Variants in RPS6KC1 observed in about 807,000 individuals in gnomAD.
RPS6KC1 encodes the protein ribosomal protein S6 kinase C1.
RPS6KC1 carries 54 observed loss-of-function variants against 103.8 expected under a neutral mutation model. The observed-to-expected ratio is 0.52, with a 90% CI of 0.42 to 0.65. The LOEUF is 0.65. Ranked by LOEUF, RPS6KC1 falls within the 30% of genes least tolerant of loss-of-function variation. RPS6KC1 has a pLI of 0.00. For synonymous variants in RPS6KC1, 439 were observed against 438.7 expected (o/e 1.00, Z -0.01); for missense variants, 1,151 against 1,253.8 (o/e 0.92, Z 1.24).
chr1:213,767,672 CAAAT>C, the RPS6KC1 span, among the ~76,000 whole-genome samples: 1 of 152,126 alleles, frequency 6.6e-6, no homozygotes, highest in African/African-American at 2.4e-5. Context: ...CATATAATAA[CAAAT>C]AAACAAAGTA....
the RPS6KC1 span, among the ~76,000 whole-genome samples, chr1:213,538,471 G>C: frequency 2.5e-4 from 38 of 152,138 alleles, no homozygotes; most frequent in Middle Eastern, 3.2e-3. Context: ...TGTGGCTGTG[G>C]GTGGTGTGTG....
the RPS6KC1 span, among the ~76,000 whole-genome samples, chr1:213,628,586 C>A: frequency 6.6e-6 from 1 of 152,032 alleles, no homozygotes; most frequent in Non-Finnish European, 1.5e-5. Context: ...ATTAACTTGT[C>A]ATTTAACATT....
chr1:213,602,551 A>T, the RPS6KC1 span, among the ~76,000 whole-genome samples: 2 of 152,040 alleles, frequency 1.3e-5, no homozygotes, highest in East Asian at 3.9e-4. Context: ...CTAACATAAA[A>T]ATCTCTAAAT....
the RPS6KC1 span, among the ~76,000 whole-genome samples, chr1:213,319,665 A>T: frequency 6.6e-6 from 1 of 152,112 alleles, no homozygotes; most frequent in Non-Finnish European, 1.5e-5. Flanking sequence ...ACTGAATTTA[A>T]CTCTTTCCAT....
chr1:213,422,794 G>A, the RPS6KC1 span, among the ~76,000 whole-genome samples: 1 of 152,206 alleles, frequency 6.6e-6, no homozygotes, highest in East Asian at 1.9e-4. Context: ...TGTTTGTATT[G>A]ACACCATATT....
chr1:213,167,489 C>CACACA (rs141541042), intron 6 of RPS6KC1, among the ~76,000 whole-genome samples: 5 of 126,178 alleles, frequency 4.0e-5, no homozygotes, highest in Admixed American at 3.8e-4. Flanking sequence ...CACACACACA[C>CACACA]AACAGCTGTT....
chr1:213,792,517 G>T, the RPS6KC1 span, among the ~76,000 whole-genome samples: 1 of 152,038 alleles, frequency 6.6e-6, no homozygotes, highest in Non-Finnish European at 1.5e-5. Flanking sequence ...TGAGACATTT[G>T]TTTAAACCCA....
At chr1:213,392,924 G>A in the RPS6KC1 span, among the ~76,000 whole-genome samples, 5 of 152,226 alleles carry the variant, frequency 3.3e-5, no homozygotes, top group Non-Finnish European at 5.9e-5. Flanking sequence ...GGGCTAGCTG[G>A]CTCTTTCTTT....
At position 213,241,172 on chromosome 1, in the gene RPS6KC1, A is replaced by G. The variant is rs1243188420; in HGVS notation, c.1696A>G (p.Arg566Gly). The G allele has an allele frequency of 6.2e-7, 1 of 1,613,928 alleles. No individual in the cohort carries two copies. Among genetic ancestry groups the G allele is most frequent in the South Asian group, 1.1e-5 (1 of 91,064 alleles). The change falls in exon 11 of 15, where the codon AGA becomes GGA. Residue 566 changes from arginine (R) to glycine (G), a missense_variant. Physicochemically the swap from Arg to Gly is moderately radical, Grantham distance 125. Transcript: ENST00000366960. ...ADSDSPSTQL[R>G]AHELKFFPND... ...CAGTGACAGCCCCAGCACACAGCTG[A>G]GAGCTCACGAGCTGAAGTTCTTCCC...
intron 14 of RPS6KC1, among the ~76,000 whole-genome samples, chr1:213,264,536 C>T (rs1358468563): frequency 2.0e-5 from 3 of 152,016 alleles, no homozygotes; most frequent in Admixed American, 6.6e-5. Context: ...CTGCTTTTGT[C>T]TTTATTAGAA....
the RPS6KC1 span, among the ~76,000 whole-genome samples, chr1:213,798,607 C>T: frequency 1.3e-5 from 2 of 152,158 alleles, no homozygotes; most frequent in Non-Finnish European, 2.9e-5. Context: ...CTTACGTGCC[C>T]AGTGACCTCA....
At chr1:213,228,544 G>A (rs764041568) in intron 8 of RPS6KC1, among the ~76,000 whole-genome samples, 3 of 151,494 alleles carry the variant, frequency 2.0e-5, no homozygotes, top group Non-Finnish European at 4.4e-5. Context: ...AGGCAATATG[G>A]TGAGACCCCT....
At chr1:213,416,551 C>T in the RPS6KC1 span, among the ~76,000 whole-genome samples, 4 of 152,152 alleles carry the variant, frequency 2.6e-5, no homozygotes, top group Admixed American at 6.5e-5. Context: ...GGTGGTAAGC[C>T]GGGGCTGGGC....
At chr1:213,149,435 C>T (rs1410165121) in intron 6 of RPS6KC1, among the ~76,000 whole-genome samples, 11 of 152,070 alleles carry the variant, frequency 7.2e-5, no homozygotes, top group Admixed American at 3.9e-4. Context: ...GTTTAATTTC[C>T]GTGTATTTCT....
At chr1:213,618,454 A>G in the RPS6KC1 span, among the ~76,000 whole-genome samples, 1 of 152,202 alleles carries the variant, frequency 6.6e-6, no homozygotes, top group Non-Finnish European at 1.5e-5. Context: ...TGACCCTGTG[A>G]CTTTTAGGAA....
chr1:213,744,559 T>C, the RPS6KC1 span, among the ~76,000 whole-genome samples: 1 of 152,342 alleles, frequency 6.6e-6, no homozygotes, highest in Admixed American at 6.5e-5. Flanking sequence ...GTGTAGCCTT[T>C]TTTTGTTATT....
At chr1:213,121,335 T>C (rs1174246446) in intron 5 of RPS6KC1, among the ~76,000 whole-genome samples, 1 of 152,236 alleles carries the variant, frequency 6.6e-6, no homozygotes. Flanking sequence ...AAATATAGTT[T>C]GTTTAATATG....
the RPS6KC1 span, among the ~76,000 whole-genome samples, chr1:213,747,709 AT>A: frequency 6.6e-5 from 10 of 152,198 alleles, no homozygotes; most frequent in African/African-American, 2.4e-4. Flanking sequence ...AGAGGCAGAA[AT>A]TTTTTAGAAA....
intron 8 of RPS6KC1, among the ~76,000 whole-genome samples, chr1:213,215,752 C>T (rs1450499332): frequency 1.3e-5 from 2 of 152,126 alleles, no homozygotes; most frequent in East Asian, 3.8e-4. Flanking sequence ...GAATTTTTAA[C>T]CCAGAATTTC....
Sources: allele counts gnomAD v4.1 joint callset (sites outside exome capture counted in the v4.1 genomes callset), GRCh38; gene constraint gnomAD v4.1.1; transcripts MANE v1.5; gene names NCBI Gene and HGNC (gene_info 2026-07-23, HGNC 2026-07-21).